The following ACTL6A variants were observed in gnomAD, a reference collection of about 807,000 sequenced individuals.
ACTL6A encodes actin-like protein 6A.
Under a neutral mutation model 59.2 loss-of-function variants are expected in ACTL6A, and 5 were observed. The ratio of observed to expected loss-of-function variants is 0.08; its 90% CI spans 0.04 to 0.18. The LOEUF (loss-of-function observed/expected upper bound fraction) is 0.18. Ranked by LOEUF, ACTL6A falls within the 10% of genes least tolerant of loss-of-function variation. ACTL6A has a pLI of 1.00. For missense variants in ACTL6A, 285 were observed against 526.9 expected (o/e 0.54, Z 4.49); for synonymous variants, 154 against 171.8 (o/e 0.90, Z 0.81).
At chr3:179,573,074 G>A (rs1032900073) in intron 3 of ACTL6A, among the ~76,000 whole-genome samples, 1 of 150,156 alleles carries the variant, frequency 6.7e-6, no homozygotes, top group African/African-American at 2.5e-5. Context: ...ATCACATTCT[G>A]GGCCTCTAAT....
chr3:179,574,832 A>G (rs1718117217), intron 5 of ACTL6A: 1 of 182,438 alleles, frequency 5.5e-6, no homozygotes, highest in Admixed American at 5.8e-5. Flanking sequence ...TTGGCTGTAA[A>G]TTCATTCTCC....
chr3:179,569,682 A>G, intron 1 of ACTL6A, 142 bp from the exon 2 acceptor site: 1 of 698,122 alleles, frequency 1.4e-6, no homozygotes, highest in Non-Finnish European at 2.4e-6. Flanking sequence ...AAAAAATTTA[A>G]GAAATTCATT....
In ACTL6A at chr3:179,587,411, CCTGA is replaced by C. The variant is rs1298700785; in HGVS notation, c.1210-517_1210-514del. Among the ~76,000 whole-genome samples, 3 of 152,066 alleles carry C rather than the reference CCTGA, an allele frequency of 2.0e-5. No individual in the cohort carries two copies. The East Asian group carries it at 5.8e-4, about 29-fold the overall frequency. On this transcript the variant is annotated intron_variant, in intron 13 of 13. Transcript: ENST00000429709. ...CTTCCTTGCCAGATATTTTCTAAATCCTGACAATGTAACAGATACAGAAGGACTT... is the reference window on the plus strand; with the variant it reads ...CTTCCTTGCCAGATATTTTCTAAATCCAATGTAACAGATACAGAAGGACTT...
At chr3:179,567,515 C>T (rs1717872140) in intron 1 of ACTL6A, among the ~76,000 whole-genome samples, 1 of 152,172 alleles carries the variant, frequency 6.6e-6, no homozygotes. Flanking sequence ...GTCCATAACA[C>T]AGAACAGGTT....
At chr3:179,575,110 TG>T in intron 5 of ACTL6A, 1 of 270,400 alleles carries the variant, frequency 3.7e-6, no homozygotes, top group Non-Finnish European at 7.2e-6. Flanking sequence ...CCCAAAGTGC[TG>T]GGATTACAGG....
chr3:179,575,011 ATTTAT>A (rs966348819), intron 5 of ACTL6A: 1 of 186,310 alleles, frequency 5.4e-6, no homozygotes, highest in African/African-American at 2.4e-5. Context: ...ATTTTTATTT[ATTTAT>A]TTATTTGGTA....
chr3:179,586,611 C>T lies in ACTL6A; in HGVS notation c.1188C>T (p.Gly396=), dbSNP rs549439311. 1.3e-5 allele frequency: 21 copies of T among 1,599,800 alleles called. No homozygotes were observed. The highest frequency in any genetic ancestry group is 1.0e-4 in the South Asian group (9 of 87,230). The part of the protein sequence containing the change: ...TVERRFSSWI[G]GSILASLGTF... ...AACGGAGGTTTAGCTCATGGATTGG[C>T]GGCTCCATTCTAGCCTCTTTGGTTA... Residue 396 remains glycine (G), a synonymous_variant, in exon 13 of 14, where the codon GGC becomes GGT. Coordinates refer to ENST00000429709, the MANE Select transcript of ACTL6A (RefSeq NM_004301.5).
At chr3:179,573,246 G>A (rs1718066409) in intron 3 of ACTL6A, 123 bp from the exon 4 acceptor site, 1 of 599,236 alleles carries the variant, frequency 1.7e-6, no homozygotes, top group African/African-American at 2.0e-5. Context: ...AAGTTGATCT[G>A]TAAAATCAGT....
chr3:179,580,146 A>G (rs1289627226), intron 8 of ACTL6A, among the ~76,000 whole-genome samples: 3 of 152,172 alleles, frequency 2.0e-5, no homozygotes, highest in Non-Finnish European at 4.4e-5. Context: ...AATTAGGATG[A>G]TTAGTCATTT....
At position 179,570,331 on chromosome 3, in the gene ACTL6A, C is replaced by A; in HGVS notation, c.277+90C>A. 1.6e-6 allele frequency: 2 copies of A among 1,219,124 alleles called. No homozygotes were observed. Among genetic ancestry groups the A allele is most frequent in the Non-Finnish European group, 2.2e-6 (2 of 909,440 alleles). 75.5% of individuals were successfully genotyped at this position (1,219,124 alleles called of 1,614,324 possible). On this transcript the variant is annotated intron_variant, in intron 3 of 13. Coordinates refer to ENST00000429709, the MANE Select transcript of ACTL6A (RefSeq NM_004301.5). This position sits in a 1 kb window ranked among gnomAD's most constrained non-coding sequence, Gnocchi z 4.3. Reference sequence around the variant, plus strand: ...TAGCTTCCTATAAGTTGAACATCAACCATGGTTTTTTGTTTTGTTTTGTTT... The same window carrying A: ...TAGCTTCCTATAAGTTGAACATCAAACATGGTTTTTTGTTTTGTTTTGTTT...
rs1718556176 is a variant in ACTL6A at position 179,587,864 on chromosome 3, A to T, written c.1210-66A>T. On this transcript the variant is annotated intron_variant, in intron 13 of 13. Transcript: ENST00000429709. ...AGCAAGACCTTCTCTCAAAAAAAAAAAATTTTTTAAGCCATTTCTAGTAAG... is the reference window on the plus strand; with the variant it reads ...AGCAAGACCTTCTCTCAAAAAAAAATAATTTTTTAAGCCATTTCTAGTAAG... 5 of 1,424,600 alleles carry T rather than the reference A, an allele frequency of 3.5e-6. No homozygotes were observed. In the Admixed American group the frequency reaches 9.6e-5, roughly 27 times the overall value. 88.2% of individuals were successfully genotyped at this position (1,424,600 alleles called of 1,614,324 possible).
chr3:179,573,854 C>A lies in ACTL6A; in HGVS notation c.378+385C>A, dbSNP rs543189174. ...TCCAAGAAAGAATTGAGATGTTGAA[C>A]AAGGGCTGGAAATTTCTGGACCAAA... is the stretch of plus-strand genomic sequence containing the variant. On this transcript the variant is annotated intron_variant, in intron 4 of 13. Transcript: ENST00000429709. 6.6e-5 allele frequency among the ~76,000 whole-genome samples: 10 copies of A among 152,212 alleles called. No homozygotes were observed. The South Asian group carries it at 2.1e-3, about 32-fold the overall frequency.
chr3:179,581,261 A>AG lies in ACTL6A; in HGVS notation c.1026+45dup, dbSNP rs1317813356. 2.0e-6 allele frequency: 3 copies of AG among 1,520,196 alleles called. No homozygotes were observed. The Admixed American group carries it at 5.0e-5, about 25-fold the overall frequency. The allele number at this position is 1,520,196 out of a possible 1,614,324, so 94.2% of individuals were successfully genotyped here. ...CTGTTACGGTTTAAAGGTATCTTTT[A>AG]GGGGACTGAAATGTCCCCAAATCAT... On this transcript the variant is annotated intron_variant, in intron 11 of 13. Coordinates refer to ENST00000429709, the MANE Select transcript of ACTL6A (RefSeq NM_004301.5).
intron 7 of ACTL6A, 47 bp from the exon 8 acceptor site, chr3:179,576,777 C>T: frequency 1.2e-6 from 2 of 1,606,110 alleles, no homozygotes; most frequent in Non-Finnish European, 1.7e-6. Flanking sequence ...GCTCCCCCAC[C>T]CCTATGAAGT....
At chr3:179,563,155 C>T (rs1319413205) in intron 1 of ACTL6A, 38 bp downstream of exon 1, 2 of 1,598,872 alleles carry the variant, frequency 1.3e-6, no homozygotes, top group South Asian at 1.1e-5. Context: ...CGCGCCTTTT[C>T]GGCGTGTGGG....
At chr3:179,583,182 A>G in intron 11 of ACTL6A, 171 bp from the exon 12 acceptor site, 1 of 463,398 alleles carries the variant, frequency 2.2e-6, no homozygotes. Flanking sequence ...AGTTGAATGT[A>G]CAGCCAGGAT....
intron 12 of ACTL6A, among the ~76,000 whole-genome samples, chr3:179,585,472 G>C (rs1335161418): frequency 6.6e-6 from 1 of 152,108 alleles, no homozygotes; most frequent in Admixed American, 6.6e-5. Flanking sequence ...CCCAAGCTGT[G>C]GTCAAGGCCA....
At chr3:179,587,783 A>G (rs933342041) in intron 13 of ACTL6A, 147 bp from the exon 14 acceptor site, 1 of 591,430 alleles carries the variant, frequency 1.7e-6, no homozygotes, top group African/African-American at 2.0e-5. Context: ...CCTTGAACCA[A>G]GAAGTTCGAG....
At chr3:179,563,305 G>T in intron 1 of ACTL6A, 188 bp downstream of exon 1, 1 of 1,019,586 alleles carries the variant, frequency 9.8e-7, no homozygotes, top group Non-Finnish European at 1.4e-6. Flanking sequence ...CGTGCTCCTC[G>T]GGCTCCCTGA....
Sources: gnomAD v4.1 joint callset for allele counts (sites outside exome capture counted in the v4.1 genomes callset) on GRCh38, gnomAD v4.1.1 for gene constraint, Gnocchi (gnomAD v3.1) non-coding constraint, MANE v1.5 for transcripts, NCBI Gene and HGNC (gene_info 2026-07-23, HGNC 2026-07-21) for gene names.